ZNF738: variants seen among roughly 807,000 people sequenced by gnomAD.
The protein encoded by ZNF738 is zinc finger protein 738.
ZNF738 carries 10 observed loss-of-function variants against 9.2 expected under a neutral mutation model. That is an observed-to-expected ratio of 1.09 (90% CI 0.67 to 1.85). The LOEUF is 1.85. ZNF738 is among the 40% of genes most tolerant of loss of function. The probability of loss-of-function intolerance (pLI) is 0.00; values close to 1 mark genes in which losing one functional copy is unlikely to be tolerated. For synonymous variants in ZNF738, 113 were observed against 94.5 expected (o/e 1.20, Z -1.14); for missense variants, 346 against 283.6 (o/e 1.22, Z -1.58).
Position 21,383,822 on chromosome 19 carries a change from A to G in ZNF738, c.*148A>G, listed in dbSNP as rs1316781411. On this transcript the variant is annotated 3_prime_UTR_variant, in exon 5 of 5. Coordinates refer to ENST00000683779, the MANE Select transcript of ZNF738 (RefSeq NM_001355237.2). The stretch of plus-strand genomic sequence containing the variant: ...TCATGAAAATTCATTCTGGAGAGAA[A>G]CCCTACAAATGTGGAGAATGTGGCA... 6.2e-6 allele frequency: 8 copies of G among 1,292,254 alleles called. No homozygotes were observed. Among genetic ancestry groups the G allele is most frequent in the Non-Finnish European group, 9.0e-6 (8 of 893,614 alleles). 80.0% of individuals were successfully genotyped at this position (1,292,254 alleles called of 1,614,324 possible). A position where few individuals can be genotyped will look rare whatever the true frequency, so the allele number is the denominator to read the frequency against.
Position 21,388,284 on chromosome 19 carries a change from T to C in ZNF738, c.*4610T>C, listed in dbSNP as rs2145248584. On this transcript the variant is annotated 3_prime_UTR_variant, in exon 5 of 5. Coordinates refer to ENST00000683779, the MANE Select transcript of ZNF738 (RefSeq NM_001355237.2). ...CACTCATTTTCTGGTGTTTCTTCAT[T>C]CTTATTCACTTGTGAAAGCATGTGA... 6.6e-6 allele frequency among the ~76,000 whole-genome samples: 1 copy of C among 152,322 alleles called. No homozygotes were observed. The highest frequency in any genetic ancestry group is 1.9e-4 in the East Asian group (1 of 5,192).
Position 21,383,378 on chromosome 19 carries a change from C to A in ZNF738, c.832C>A (p.His278Asn). ...GFNHSTTLTR[H>N]KVIHAGEKHY... ...TAACCACTCCACAACTCTTACTAGA[C>A]ATAAGGTAATTCATGCTGGAGAGAA... Residue 278 changes from histidine to asparagine, a missense_variant, in exon 5 of 5, where the codon CAT becomes AAT. By Grantham distance (68) the His-to-Asn change is moderately conservative. Transcript: ENST00000683779. The A allele has an allele frequency of 1.0e-6, 1 of 995,028 alleles. No individual in the cohort carries two copies. The highest frequency in any genetic ancestry group is 1.6e-6 in the Non-Finnish European group (1 of 642,548). The allele number at this position is 995,028 out of a possible 1,614,324, so 61.6% of individuals were successfully genotyped here. A position where few individuals can be genotyped will look rare whatever the true frequency, so the allele number is the denominator to read the frequency against.
chr19:21,380,838 G>A (rs1049357852), intron 4 of ZNF738, among the ~76,000 whole-genome samples: 2 of 152,128 alleles, frequency 1.3e-5, no homozygotes, highest in African/African-American at 4.8e-5. Context: ...GATTTTAGGA[G>A]TCACCGATCT....
At chr19:21,380,333 G>T (rs1347182471) in intron 4 of ZNF738, among the ~76,000 whole-genome samples, 1 of 152,180 alleles carries the variant, frequency 6.6e-6, no homozygotes, top group African/African-American at 2.4e-5. Context: ...AAATAAAGAA[G>T]TCAGACCATT....
At chr19:21,366,833 A>G (rs532538826) in intron 2 of ZNF738, among the ~76,000 whole-genome samples, 18 of 152,244 alleles carry the variant, frequency 1.2e-4, no homozygotes, top group African/African-American at 4.3e-4. Context: ...ACCAGAGGTC[A>G]CTCTCATCAC....
chr19:21,381,745 G>A (rs1395758860), intron 4 of ZNF738: 1 of 291,688 alleles, frequency 3.4e-6, no homozygotes, highest in Non-Finnish European at 6.7e-6. Context: ...CACCCACCTC[G>A]GCCTCCCAAA....
In ZNF738 at chr19:21,380,136, A is replaced by C. The variant is rs1279550347; in HGVS notation, c.320-2730A>C. On this transcript the variant is annotated intron_variant, in intron 4 of 4. Transcript: ENST00000683779. Reference sequence around the variant, plus strand: ...AAAAGATCCCCATATTCTCCTGCACAATGAGGACCACATTCCAAAAACATA... The same window carrying C: ...AAAAGATCCCCATATTCTCCTGCACCATGAGGACCACATTCCAAAAACATA... Among the ~76,000 whole-genome samples, 3 of 152,334 alleles carry C rather than the reference A, an allele frequency of 2.0e-5. No individual in the cohort carries two copies. In the East Asian group the frequency reaches 5.8e-4, roughly 29 times the overall value.
Position 21,384,029 on chromosome 19 carries a change from A to G in ZNF738, c.*355A>G. On this transcript the variant is annotated 3_prime_UTR_variant, in exon 5 of 5. Transcript: ENST00000683779. ...AAGAATGTGGCAAAGCTTTCTACCG[A>G]TTCATTTACCTTACTACACATAAGA... The G allele has an allele frequency of 6.5e-7, 1 of 1,534,354 alleles. No homozygotes were observed. The highest frequency in any genetic ancestry group is 9.0e-7 in the Non-Finnish European group (1 of 1,112,620).
In ZNF738 at chr19:21,386,276, G is replaced by A. The variant is rs1034498054; in HGVS notation, c.*2602G>A. On this transcript the variant is annotated 3_prime_UTR_variant, in exon 5 of 5. Transcript: ENST00000683779. ...AAGCCTTACAAATGTGAAAAATGTA[G>A]CAAACCTTTTAACTAATCCTCAACC... 3.3e-5 allele frequency: 9 copies of A among 275,124 alleles called. No homozygotes were observed. Among genetic ancestry groups the A allele is most frequent in the African/African-American group, 1.3e-4 (6 of 44,484 alleles). The allele number at this position is 275,124 out of a possible 1,614,324, so 17.0% of individuals were successfully genotyped here. A position where few individuals can be genotyped will look rare whatever the true frequency, so the allele number is the denominator to read the frequency against.
chr19:21,368,458 T>TC (rs1484534991), intron 2 of ZNF738, among the ~76,000 whole-genome samples: 1 of 152,108 alleles, frequency 6.6e-6, no homozygotes, highest in African/African-American at 2.4e-5. Flanking sequence ...TGAGACAAAC[T>TC]CTTTTTTTTT....
rs1974064106 is a variant in ZNF738 at position 21,386,074 on chromosome 19, C to T, written c.*2400C>T. On this transcript the variant is annotated 3_prime_UTR_variant, in exon 5 of 5. Coordinates refer to ENST00000683779, the MANE Select transcript of ZNF738 (RefSeq NM_001355237.2). ...TCTCATACCTTATTAAACATAAAATCTTACAGGAGAGAAATTATACAAATG... is the reference window on the plus strand; with the variant it reads ...TCTCATACCTTATTAAACATAAAATTTTACAGGAGAGAAATTATACAAATG... Among the ~76,000 whole-genome samples the T allele has an allele frequency of 2.6e-5, 4 of 152,234 alleles. No individual in the cohort carries two copies. In the South Asian group the frequency reaches 8.3e-4, roughly 32 times the overall value.
Position 21,361,387 on chromosome 19 carries a change from G to A in ZNF738, c.4-379G>A, listed in dbSNP as rs186549808. ...ACTCCCGACCTCAGGTGATCCGCCC[G>A]CCTCGGCCTCCCAAAGTGTGGGGAT... On this transcript the variant is annotated intron_variant, in intron 1 of 4. Transcript: ENST00000683779. 4.5e-4 allele frequency among the ~76,000 whole-genome samples: 69 copies of A among 152,196 alleles called. 1 individual carries two copies. In the East Asian group the frequency reaches 0.01, roughly 23 times the overall value.
At chr19:21,364,222 A>G (rs1973744063) in intron 2 of ZNF738, among the ~76,000 whole-genome samples, 1 of 148,642 alleles carries the variant, frequency 6.7e-6, no homozygotes, top group Non-Finnish European at 1.5e-5. Context: ...ATTCAAAAAG[A>G]GCATTGCAAC....
Position 21,375,306 on chromosome 19 carries a change from T to A in ZNF738, c.165T>A (p.Ala55=), listed in dbSNP as rs769952165. 1.8e-6 allele frequency: 2 copies of A among 1,119,052 alleles called. No homozygotes were observed. The highest frequency in any genetic ancestry group is 2.7e-6 in the Non-Finnish European group (2 of 730,226). The allele number at this position is 1,119,052 out of a possible 1,614,324, so 69.3% of individuals were successfully genotyped here. ...SQEEWQCLDT[A]QQDLYRKVML... is the part of the protein sequence containing the mutation. ...AGGAGTGGCAATGCCTGGACACTGC[T>A]CAGCAAGATTTGTATAGGAAAGTGA... Residue 55 remains alanine, a synonymous_variant, in exon 3 of 5, where the codon GCT becomes GCA. Transcript: ENST00000683779.
In ZNF738 at chr19:21,384,826, A is replaced by G. The variant is rs1974048441; in HGVS notation, c.*1152A>G. On this transcript the variant is annotated 3_prime_UTR_variant, in exon 5 of 5. Transcript: ENST00000683779. Reference sequence around the variant, plus strand: ...AAACATAAGAAAATTCATACTGGAGAGACACCCTACAAATGTGAAGAATGT... The same window carrying G: ...AAACATAAGAAAATTCATACTGGAGGGACACCCTACAAATGTGAAGAATGT... Among the ~76,000 whole-genome samples, 1 of 152,212 alleles carries G rather than the reference A, an allele frequency of 6.6e-6. No individual in the cohort carries two copies. Among genetic ancestry groups the G allele is most frequent in the South Asian group, 2.1e-4 (1 of 4,836 alleles).
chr19:21,368,166 G>A (rs116096059), intron 2 of ZNF738, among the ~76,000 whole-genome samples: 1,960 of 152,254 alleles, frequency 0.013, no homozygotes, highest in African/African-American at 0.041. Flanking sequence ...TGTCATGGGG[G>A]TTTGTTGTAG....
Position 21,359,063 on chromosome 19 carries a change from G to C in ZNF738, c.-78G>C. ...CTGCTCTGTGTCCTCTGCTCCTAGA[G>C]GCCCAGCCTCTGGTCCTGTGACCTG... On this transcript the variant is annotated 5_prime_UTR_variant, in exon 1 of 5. Transcript: ENST00000683779. The C allele has an allele frequency of 1.1e-6, 1 of 888,244 alleles. No individual in the cohort carries two copies. Among genetic ancestry groups the C allele is most frequent in the South Asian group, 1.3e-5 (1 of 76,842 alleles). 55.0% of individuals were successfully genotyped at this position (888,244 alleles called of 1,614,324 possible).
In ZNF738 at chr19:21,375,231, T is replaced by G. The variant is rs374790713; in HGVS notation, c.97-7T>G. Reference sequence around the variant, plus strand: ...TGTAAATATGTGTGTGTGTGTGTGTTTTTCAGGGGCCGTTGACATTTAGGG... The same window carrying G: ...TGTAAATATGTGTGTGTGTGTGTGTGTTTCAGGGGCCGTTGACATTTAGGG... On this transcript the variant is annotated splice_region_variant and splice_polypyrimidine_tract_variant and intron_variant, in intron 2 of 4. Transcript: ENST00000683779. 6 of 870,202 alleles carry G rather than the reference T, an allele frequency of 6.9e-6. No homozygotes were observed. Among genetic ancestry groups the G allele is most frequent in the Non-Finnish European group, 1.1e-5 (6 of 549,190 alleles). 53.9% of individuals were successfully genotyped at this position (870,202 alleles called of 1,614,324 possible). A position where few individuals can be genotyped will look rare whatever the true frequency, so the allele number is the denominator to read the frequency against.
intron 2 of ZNF738, among the ~76,000 whole-genome samples, chr19:21,363,402 G>T (rs1973726491): frequency 6.6e-6 from 1 of 152,154 alleles, no homozygotes; most frequent in Non-Finnish European, 1.5e-5. Context: ...CTCTCCTGCA[G>T]ATGTTCTAGC....
Sources: gnomAD v4.1 joint callset for allele counts (sites outside exome capture counted in the v4.1 genomes callset) on GRCh38, gnomAD v4.1.1 for gene constraint, MANE v1.5 for transcripts, NCBI Gene and HGNC (gene_info 2026-07-23, HGNC 2026-07-21) for gene names.